TMEM232: variants seen among roughly 807,000 people sequenced by gnomAD.
The protein encoded by TMEM232 is transmembrane protein 232.
Under a neutral mutation model 78.8 loss-of-function variants are expected in TMEM232, and 80 were observed. The ratio of observed to expected loss-of-function variants is 1.01; its 90% confidence interval spans 0.85 to 1.22. TMEM232 has a LOEUF of 1.22. Ranked by LOEUF, TMEM232 falls within the 50% of genes most tolerant of loss-of-function variation. TMEM232 has a pLI of 0.00. For missense variants in TMEM232, 881 were observed against 742.2 expected (o/e 1.19, Z -2.17); for synonymous variants, 297 against 254.3 (o/e 1.17, Z -1.60).
At chr5:110,670,124 C>A (rs1317007569) in intron 1 of TMEM232, among the ~76,000 whole-genome samples, 1 of 152,154 alleles carries the variant, frequency 6.6e-6, no homozygotes, top group Non-Finnish European at 1.5e-5. Flanking sequence ...GTTGGAAGTT[C>A]TGGCCAGGGC....
In TMEM232 at chr5:110,605,421, G is replaced by A. The variant is rs187593839; in HGVS notation, c.1027-63C>T. The A allele has an allele frequency of 5.2e-4, 755 of 1,454,942 alleles. 9 individuals carry two copies. The African/African-American group carries it at 9.2e-3, about 18-fold the overall frequency. The allele number at this position is 1,454,942 out of a possible 1,614,324, so 90.1% of individuals were successfully genotyped here. A position where few individuals can be genotyped will look rare whatever the true frequency, so the allele number is the denominator to read the frequency against. ...ATCTTTGCATATCAATAACTACACA[G>A]TGTACTTATAATAATTGTTAAAAGA... is the stretch of plus-strand genomic sequence containing the variant. On this transcript the variant is annotated intron_variant, in intron 9 of 13. Transcript: ENST00000455884.
At chr5:110,535,085 T>C (rs1410953569) in intron 11 of TMEM232, among the ~76,000 whole-genome samples, 1 of 152,072 alleles carries the variant, frequency 6.6e-6, no homozygotes, top group East Asian at 1.9e-4. Flanking sequence ...TACCACTATT[T>C]CGTTTTTTCT....
chr5:110,670,644 G>A (rs1320778739), intron 1 of TMEM232, among the ~76,000 whole-genome samples: 1 of 151,996 alleles, frequency 6.6e-6, no homozygotes, highest in Non-Finnish European at 1.5e-5. Flanking sequence ...GTCAGCAGCT[G>A]TGCTGAGCTA....
At chr5:110,551,470 G>A (rs758627576) in intron 11 of TMEM232, among the ~76,000 whole-genome samples, 3 of 151,282 alleles carry the variant, frequency 2.0e-5, no homozygotes, top group Non-Finnish European at 2.9e-5. Context: ...TGATCCACCC[G>A]CCTCAGCCTC....
At chr5:110,660,668 C>A (rs1453851980) in intron 2 of TMEM232, among the ~76,000 whole-genome samples, 1 of 151,818 alleles carries the variant, frequency 6.6e-6, no homozygotes, top group Non-Finnish European at 1.5e-5. Context: ...TTAGATTTAC[C>A]TTTTGCTTTA....
chr5:110,484,361 T>A (rs1764232391), intron 12 of TMEM232, among the ~76,000 whole-genome samples: 1 of 151,882 alleles, frequency 6.6e-6, no homozygotes, highest in Non-Finnish European at 1.5e-5. Context: ...TTAAAGAGTT[T>A]AATGCACTAA....
chr5:110,638,578 T>C (rs544843829), intron 4 of TMEM232, among the ~76,000 whole-genome samples: 40 of 152,276 alleles, frequency 2.6e-4, no homozygotes, highest in African/African-American at 8.9e-4. Flanking sequence ...CAATAGAATG[T>C]GGCAGAAATG....
chr5:110,681,715 T>C (rs1164281824), intron 1 of TMEM232, among the ~76,000 whole-genome samples: 2 of 152,152 alleles, frequency 1.3e-5, no homozygotes, highest in African/African-American at 4.8e-5. Context: ...CAGTTACAAG[T>C]TTAAGTGGAG....
chr5:110,594,509 T>G (rs997434484), intron 10 of TMEM232, among the ~76,000 whole-genome samples: 7 of 152,136 alleles, frequency 4.6e-5, no homozygotes, highest in African/African-American at 1.4e-4. Context: ...AGTGGTCTTG[T>G]TCAGCAGGTC....
At chr5:110,668,615 G>A (rs1790923172) in intron 1 of TMEM232, among the ~76,000 whole-genome samples, 1 of 152,098 alleles carries the variant, frequency 6.6e-6, no homozygotes, top group African/African-American at 2.4e-5. Flanking sequence ...ACTCAGCTCT[G>A]CACCAAGCAG....
intron 12 of TMEM232, among the ~76,000 whole-genome samples, chr5:110,496,919 A>C (rs1277740812): frequency 6.6e-6 from 1 of 152,070 alleles, no homozygotes; most frequent in Non-Finnish European, 1.5e-5. Context: ...TTGAATGAAA[A>C]AGTACTTTTT....
chr5:110,439,881 G>A (rs1463769950), intron 12 of TMEM232, among the ~76,000 whole-genome samples: 2 of 152,090 alleles, frequency 1.3e-5, no homozygotes, highest in African/African-American at 4.8e-5. Context: ...GTCTACTGCA[G>A]TTTATCTAAA....
intron 8 of TMEM232, among the ~76,000 whole-genome samples, chr5:110,615,403 T>C (rs1262167306): frequency 6.6e-6 from 1 of 151,986 alleles, no homozygotes; most frequent in Non-Finnish European, 1.5e-5. Flanking sequence ...TTTATATTCA[T>C]TGAAAAATAA....
intron 2 of TMEM232, among the ~76,000 whole-genome samples, chr5:110,650,165 T>C (rs1788099641): frequency 1.3e-5 from 2 of 152,048 alleles, no homozygotes; most frequent in African/African-American, 4.8e-5. Flanking sequence ...TTATGATAAC[T>C]TTAGTCATAA....
chr5:110,639,217 A>G (rs1198798082), intron 4 of TMEM232, among the ~76,000 whole-genome samples: 1 of 152,162 alleles, frequency 6.6e-6, no homozygotes, highest in Non-Finnish European at 1.5e-5. Context: ...TGTAATCAGA[A>G]GCTGTTGAGT....
chr5:110,464,856 A>C (rs1223770246), intron 12 of TMEM232, among the ~76,000 whole-genome samples: 1 of 152,142 alleles, frequency 6.6e-6, no homozygotes, highest in South Asian at 2.1e-4. Flanking sequence ...ATCTATCATG[A>C]ACCTACTCTA....
At chr5:110,539,006 C>A (rs1772763317) in intron 11 of TMEM232, among the ~76,000 whole-genome samples, 1 of 152,090 alleles carries the variant, frequency 6.6e-6, no homozygotes, top group African/African-American at 2.4e-5. Context: ...CTCTCCAATC[C>A]CCCTGTTGGG....
chr5:110,711,118 C>T (rs1391002952), intron 1 of TMEM232, among the ~76,000 whole-genome samples: 7 of 152,168 alleles, frequency 4.6e-5, no homozygotes, highest in African/African-American at 1.7e-4. Flanking sequence ...AATATGCCAA[C>T]AGTGAAGAAT....
intron 1 of TMEM232, among the ~76,000 whole-genome samples, chr5:110,685,879 A>C (rs897653862): frequency 2.0e-5 from 3 of 152,144 alleles, no homozygotes; most frequent in Non-Finnish European, 4.4e-5. Flanking sequence ...CATTGAGTGA[A>C]AAAAGCCAAA....
Sources: gnomAD v4.1 joint callset for allele counts (sites outside exome capture counted in the v4.1 genomes callset) on GRCh38, gnomAD v4.1.1 for gene constraint, MANE v1.5 for transcripts, NCBI Gene and HGNC (gene_info 2026-07-23, HGNC 2026-07-21) for gene names.